Variants in STK32B observed in about 807,000 individuals in gnomAD.
STK32B encodes serine/threonine kinase 32B, also known as serine/threonine-protein kinase 32B.
Under a neutral mutation model 52.6 loss-of-function variants are expected in STK32B, and 43 were observed. The ratio of observed to expected loss-of-function variants is 0.82; its 90% confidence interval spans 0.64 to 1.05. STK32B has a LOEUF of 1.05. Ranked by LOEUF, STK32B falls within the 50% of genes least tolerant of loss-of-function variation. STK32B has a pLI of 0.00. For missense variants in STK32B, 621 were observed against 534.6 expected (o/e 1.16, Z -1.59); for synonymous variants, 238 against 204.3 (o/e 1.17, Z -1.41).
intron 4 of STK32B, among the ~76,000 whole-genome samples, chr4:5,370,404 T>G (rs917790441): frequency 6.6e-6 from 1 of 152,202 alleles, no homozygotes; most frequent in African/African-American, 2.4e-5. Context: ...AAAGAGTGAC[T>G]AATGACATCA....
chr4:5,427,516 G>A (rs1713206134), intron 6 of STK32B, among the ~76,000 whole-genome samples: 1 of 152,146 alleles, frequency 6.6e-6, no homozygotes, highest in African/African-American at 2.4e-5. Flanking sequence ...TTTGGGCCTG[G>A]AGTTTTCTTT....
At chr4:5,098,611 C>G (rs796729326) in intron 1 of STK32B, among the ~76,000 whole-genome samples, 10 of 152,330 alleles carry the variant, frequency 6.6e-5, no homozygotes, top group African/African-American at 2.4e-4. Context: ...GAGATTGAGA[C>G]TTCTCAAGGT....
intron 3 of STK32B, among the ~76,000 whole-genome samples, chr4:5,233,634 T>C (rs1724424797): frequency 6.6e-6 from 1 of 150,776 alleles, no homozygotes; most frequent in Non-Finnish European, 1.5e-5. Flanking sequence ...TAGTGGATAG[T>C]TGGAGTGAAG....
intron 11 of STK32B, among the ~76,000 whole-genome samples, chr4:5,486,008 C>A (rs1719164146): frequency 2.0e-5 from 3 of 152,164 alleles, no homozygotes; most frequent in African/African-American, 4.8e-5. Context: ...CTGCGGGGTG[C>A]CTCCCAGTTA....
chr4:5,196,663 G>C (rs1425542306), intron 3 of STK32B, among the ~76,000 whole-genome samples: 1 of 151,884 alleles, frequency 6.6e-6, no homozygotes, highest in Non-Finnish European at 1.5e-5. Flanking sequence ...GGAGGTTGCA[G>C]TGAGCTGAGA....
intron 3 of STK32B, among the ~76,000 whole-genome samples, chr4:5,305,491 A>G (rs1729865807): frequency 6.6e-6 from 1 of 151,960 alleles, no homozygotes; most frequent in Non-Finnish European, 1.5e-5. Context: ...TATGTGTGTA[A>G]AGGTGTTCAT....
rs550446940 is a variant in STK32B at position 5,484,795 on chromosome 4, A to G, written c.1107-14150A>G. The stretch of plus-strand genomic sequence containing the variant: ...TTAGGGCAGGCCTGGTGGTGACAAA[A>G]TCTCTCAGCATTTGCTTGTCTGTAA... On this transcript the variant is annotated intron_variant, in intron 11 of 11. Transcript: ENST00000282908. Among the ~76,000 whole-genome samples the G allele has an allele frequency of 1.8e-3, 277 of 152,196 alleles. 1 individual carries two copies. Among genetic ancestry groups the G allele is most frequent in the African/African-American group, 6.4e-3 (264 of 41,510 alleles).
intron 3 of STK32B, among the ~76,000 whole-genome samples, chr4:5,176,139 G>A (rs770025272): frequency 3.9e-5 from 6 of 152,190 alleles, no homozygotes; most frequent in African/African-American, 7.2e-5. Flanking sequence ...CGTTTGTTGC[G>A]CCCATTGGAA....
At chr4:5,152,216 T>C (rs936278850) in intron 2 of STK32B, among the ~76,000 whole-genome samples, 2 of 152,238 alleles carry the variant, frequency 1.3e-5, no homozygotes, top group Non-Finnish European at 2.9e-5. Context: ...GAAACAGATA[T>C]ACGAGGTGGG....
At chr4:5,461,776 G>T (rs1042757883) in intron 9 of STK32B, among the ~76,000 whole-genome samples, 3 of 152,158 alleles carry the variant, frequency 2.0e-5, no homozygotes, top group African/African-American at 7.2e-5. Context: ...TTCCAGGCCT[G>T]GCCATGTGCC....
At chr4:5,226,072 T>C (rs953948832) in intron 3 of STK32B, among the ~76,000 whole-genome samples, 3 of 152,336 alleles carry the variant, frequency 2.0e-5, no homozygotes, top group East Asian at 3.9e-4. Flanking sequence ...TGTTCTGCTT[T>C]TAAAATCGAT....
At chr4:5,315,267 G>A (rs1196576204) in intron 3 of STK32B, among the ~76,000 whole-genome samples, 2 of 140,704 alleles carry the variant, frequency 1.4e-5, no homozygotes, top group Admixed American at 6.8e-5. Context: ...TTAGGGAAAT[G>A]CAAATGAGAT....
the STK32B span, among the ~76,000 whole-genome samples, chr4:5,037,104 T>G: frequency 3.9e-5 from 6 of 152,186 alleles, no homozygotes; most frequent in Non-Finnish European, 5.9e-5. Flanking sequence ...GGATATTTAT[T>G]TGTTGTGGGT....
chr4:5,277,217 A>G (rs572576425), intron 3 of STK32B, among the ~76,000 whole-genome samples: 1 of 152,336 alleles, frequency 6.6e-6, no homozygotes, highest in South Asian at 2.1e-4. Flanking sequence ...TGGTGCAGAG[A>G]GTCATGCACT....
the STK32B span, among the ~76,000 whole-genome samples, chr4:5,046,361 T>C: frequency 1.3e-5 from 2 of 152,156 alleles, no homozygotes; most frequent in South Asian, 2.1e-4. Context: ...ATACAAAAAT[T>C]AACTCAAGAT....
chr4:5,349,140 C>T (rs1733664862), intron 4 of STK32B, among the ~76,000 whole-genome samples: 1 of 152,134 alleles, frequency 6.6e-6, no homozygotes, highest in Non-Finnish European at 1.5e-5. Context: ...TACTGCCATT[C>T]TTAGCACCTG....
chr4:5,062,489 A>T (rs1742253210), intron 1 of STK32B, among the ~76,000 whole-genome samples: 1 of 152,052 alleles, frequency 6.6e-6, no homozygotes, highest in Non-Finnish European at 1.5e-5. Context: ...TAAACATTAC[A>T]ATGTTTAGTT....
At chr4:5,027,824 G>T in the STK32B span, among the ~76,000 whole-genome samples, 3 of 152,120 alleles carry the variant, frequency 2.0e-5, no homozygotes, top group African/African-American at 7.2e-5. Flanking sequence ...CTATGCTGTC[G>T]TTGCCAGCAG....
rs1235206067 is a variant in STK32B, at chr4:5,395,966, G to C, written c.435-2241G>C. On this transcript the variant is annotated intron_variant, in intron 4 of 11. Coordinates refer to ENST00000282908, the MANE Select transcript of STK32B (RefSeq NM_018401.3). This position sits in a 1 kb window ranked among gnomAD's most constrained non-coding sequence, Gnocchi z 4.4. ...GCCGGTGCAATGTGGATGTGGGGGC[G>C]TGGCCAGGCCCTGGGCTTGTCCAAG... Among the ~76,000 whole-genome samples, 1 of 152,190 alleles carries C rather than the reference G, an allele frequency of 6.6e-6. No homozygotes were observed. The highest frequency in any genetic ancestry group is 6.5e-5 in the Admixed American group (1 of 15,294).
Sources: gnomAD v4.1 joint callset for allele counts (sites outside exome capture counted in the v4.1 genomes callset) on GRCh38, gnomAD v4.1.1 for gene constraint, Gnocchi (gnomAD v3.1) non-coding constraint, MANE v1.5 for transcripts, NCBI Gene and HGNC (gene_info 2026-07-23, HGNC 2026-07-21) for gene names.